AKNAD1: variants seen among roughly 807,000 people sequenced by gnomAD.
The protein encoded by AKNAD1 is AKNA domain containing 1, also known as protein AKNAD1.
A neutral mutation model predicts 90.8 loss-of-function variants in AKNAD1; 67 were observed. That is an observed-to-expected ratio of 0.74 (90% CI 0.61 to 0.90). The LOEUF (loss-of-function observed/expected upper bound fraction) is 0.90, where lower values mean the gene tolerates loss of function less well. Among genes scored for constraint, AKNAD1 ranks in the 40% least tolerant of loss-of-function variants. The pLI is 0.00. For synonymous variants in AKNAD1, 327 were observed against 341.4 expected (o/e 0.96, Z 0.46); for missense variants, 957 against 975.4 (o/e 0.98, Z 0.25).
chr1:108,855,979 GT>G (rs1395858662), intron 1 of AKNAD1, among the ~76,000 whole-genome samples: 1 of 150,124 alleles, frequency 6.7e-6, no homozygotes, highest in African/African-American at 2.5e-5. Flanking sequence ...AGCCTCCTGA[GT>G]AGCTGGGACT....
intron 10 of AKNAD1, among the ~76,000 whole-genome samples, chr1:108,827,649 C>T (rs1413183392): frequency 6.6e-6 from 1 of 150,480 alleles, no homozygotes; most frequent in Non-Finnish European, 1.5e-5. Flanking sequence ...CCTGTCTCTA[C>T]TAAAAGTACA....
chr1:108,822,633 C>T (rs1663853724), intron 13 of AKNAD1, among the ~76,000 whole-genome samples: 1 of 152,142 alleles, frequency 6.6e-6, no homozygotes, highest in Admixed American at 6.6e-5. Context: ...CTCCCTGGTG[C>T]CCTCTCCCAG....
At position 108,816,148 on chromosome 1, in the gene AKNAD1, A is replaced by T; in HGVS notation, c.*23T>A. On this transcript the variant is annotated 3_prime_UTR_variant, in exon 16 of 16. Transcript: ENST00000370001. The stretch of plus-strand genomic sequence containing the variant: ...TTTTCTTTGCATTTTTTTCTTTTGA[A>T]TCCTTGGTAGCCTAGCGTTGAACTA... The T allele has an allele frequency of 6.4e-7, 1 of 1,552,004 alleles. No homozygotes were observed.
intron 3 of AKNAD1, among the ~76,000 whole-genome samples, 192 bp downstream of exon 3, chr1:108,849,344 TG>T (rs2101213504): frequency 6.6e-6 from 1 of 150,756 alleles, no homozygotes; most frequent in South Asian, 2.1e-4. Flanking sequence ...CTAGGTGTGG[TG>T]GCATGCACCT....
At chr1:108,842,753 G>T (rs1352526239) in intron 6 of AKNAD1, among the ~76,000 whole-genome samples, 2 of 152,118 alleles carry the variant, frequency 1.3e-5, no homozygotes, top group East Asian at 1.9e-4. Flanking sequence ...GAGAGGGAGA[G>T]GAGAGGAGGA....
chr1:108,843,036 G>A, intron 6 of AKNAD1, 98 bp downstream of exon 6: 3 of 1,481,060 alleles, frequency 2.0e-6, no homozygotes, highest in Non-Finnish European at 2.8e-6. Context: ...CCCTAGACCA[G>A]TGGCTCTCCA....
At chr1:108,821,462 C>CAA (rs35302684) in intron 13 of AKNAD1, among the ~76,000 whole-genome samples, 43,940 of 151,868 alleles carry the variant, frequency 0.29, 7,058 homozygotes, top group East Asian at 0.69. Context: ...AAAAACAAAA[C>CAA]AACAAAAAAG....
At chr1:108,835,360 C>G (rs963323753) in intron 7 of AKNAD1, among the ~76,000 whole-genome samples, 1 of 152,174 alleles carries the variant, frequency 6.6e-6, no homozygotes, top group Non-Finnish European at 1.5e-5. Context: ...AATGTACTCA[C>G]TGTGAGCCAG....
intron 10 of AKNAD1, 97 bp downstream of exon 10, chr1:108,830,462 C>A: frequency 8.9e-7 from 1 of 1,127,524 alleles, no homozygotes; most frequent in South Asian, 1.3e-5. Flanking sequence ...ATAACTCAGC[C>A]AGTGGCCTCA....
intron 10 of AKNAD1, among the ~76,000 whole-genome samples, chr1:108,828,846 T>C (rs1440112306): frequency 6.6e-6 from 1 of 151,830 alleles, no homozygotes; most frequent in Non-Finnish European, 1.5e-5. Context: ...GCTTTTAAAC[T>C]CCTTTGTGTA....
chr1:108,836,535 G>A (rs1015659614), intron 7 of AKNAD1, among the ~76,000 whole-genome samples: 14 of 152,176 alleles, frequency 9.2e-5, no homozygotes, highest in African/African-American at 3.4e-4. Flanking sequence ...ATGACCTGAC[G>A]CTAGAGCTGG....
chr1:108,852,713 T>C lies in AKNAD1; in HGVS notation c.-49A>G, dbSNP rs746812436. The C allele has an allele frequency of 2.6e-6, 4 of 1,516,666 alleles. No individual in the cohort carries two copies. The highest frequency in any genetic ancestry group is 3.5e-6 in the Non-Finnish European group (4 of 1,138,132). The allele number at this position is 1,516,666 out of a possible 1,614,324, so 94.0% of individuals were successfully genotyped here. A position where few individuals can be genotyped will look rare whatever the true frequency, so the allele number is the denominator to read the frequency against. Reference sequence around the variant, plus strand: ...GTCCTCTGCCTCCTGAGCTGGCTGCTGTCAGTTGTAACAATAGCTCTGGTT... The same window carrying C: ...GTCCTCTGCCTCCTGAGCTGGCTGCCGTCAGTTGTAACAATAGCTCTGGTT... On this transcript the variant is annotated 5_prime_UTR_variant, in exon 2 of 16. Coordinates refer to ENST00000370001, the MANE Select transcript of AKNAD1 (RefSeq NM_152763.5).
At chr1:108,831,192 A>G (rs1484964383) in intron 9 of AKNAD1, among the ~76,000 whole-genome samples, 1 of 152,230 alleles carries the variant, frequency 6.6e-6, no homozygotes, top group Non-Finnish European at 1.5e-5. Context: ...CCTCTTTAAC[A>G]CAAAACAATT....
At chr1:108,841,389 A>G (rs1664547194) in intron 6 of AKNAD1, among the ~76,000 whole-genome samples, 1 of 152,072 alleles carries the variant, frequency 6.6e-6, no homozygotes, top group South Asian at 2.1e-4. Flanking sequence ...AGCAGAACAT[A>G]AGATTTTATG....
chr1:108,816,423 G>A, intron 15 of AKNAD1, 121 bp from the exon 16 acceptor site: 2 of 1,090,876 alleles, frequency 1.8e-6, no homozygotes, highest in Non-Finnish European at 2.5e-6. Context: ...TTTTCCTCTT[G>A]GTCTATTTCT....
Position 108,851,961 on chromosome 1 carries a change from T to A in AKNAD1, c.704A>T (p.Lys235Ile). The A allele has an allele frequency of 1.2e-6, 2 of 1,614,230 alleles. No homozygotes were observed. Among genetic ancestry groups the A allele is most frequent in the Non-Finnish European group, 1.7e-6 (2 of 1,180,046 alleles). The change falls in exon 2 of 16, where the codon AAA (lysine) becomes ATA (isoleucine). Residue 235 changes from lysine (K) to isoleucine (I), a missense_variant. Lys to Ile is a moderately radical substitution (Grantham distance 102). Coordinates refer to ENST00000370001, the MANE Select transcript of AKNAD1 (RefSeq NM_152763.5). ...TGAATTTGCTTTTTCAGTCTGCTGT[T>A]TCTGGGGTGACTGCCCTTGATAACT... ...QKSYQGQSPQKQQTEKANSGN... is the reference protein window; with the variant it reads ...QKSYQGQSPQIQQTEKANSGN...
In AKNAD1 at chr1:108,852,194, C is replaced by A. The variant is rs1664886364; in HGVS notation, c.471G>T (p.Lys157Asn). ...IIKSIISCYN[K>N]NSWPKEQTPE... is the part of the protein sequence containing the mutation. ...GGGTTTGTTCTTTTGGCCAAGAATTCTTATTATAACATGAAATAATACTTT... is the reference window on the plus strand; with the variant it reads ...GGGTTTGTTCTTTTGGCCAAGAATTATTATTATAACATGAAATAATACTTT... The change falls in exon 2 of 16, where the codon AAG becomes AAT. Residue 157 changes from lysine (K) to asparagine (N), a missense_variant. Physicochemically the swap from Lys to Asn is moderately conservative, Grantham distance 94. Transcript: ENST00000370001. The A allele has an allele frequency of 2.5e-6, 4 of 1,613,618 alleles. No homozygotes were observed. The highest frequency in any genetic ancestry group is 3.4e-6 in the Non-Finnish European group (4 of 1,179,880).
At chr1:108,817,575 C>T (rs1347021099) in intron 14 of AKNAD1, 8 of 133,816 alleles carry the variant, frequency 6.0e-5, no homozygotes, top group African/African-American at 2.3e-4. Context: ...GATCTCTGCT[C>T]GCTGCAAGCT....
Position 108,820,714 on chromosome 1 carries a change from GA to G in AKNAD1, c.2168-89del. 7 of 680,352 alleles carry G rather than the reference GA, an allele frequency of 1.0e-5. No homozygotes were observed. The South Asian group carries it at 1.4e-4, about 14-fold the overall frequency. The allele number at this position is 680,352 out of a possible 1,614,324, so 42.1% of individuals were successfully genotyped here. A position where few individuals can be genotyped will look rare whatever the true frequency, so the allele number is the denominator to read the frequency against. Reference sequence around the variant, plus strand: ...GTATCATTCCTTGAACTTTTTGTATGAATGAAATATTTCATAAAATTTTAAT... The same window carrying G: ...GTATCATTCCTTGAACTTTTTGTATGATGAAATATTTCATAAAATTTTAAT... On this transcript the variant is annotated intron_variant, in intron 13 of 15. Transcript: ENST00000370001.
Sources: allele counts gnomAD v4.1 joint callset (sites outside exome capture counted in the v4.1 genomes callset), GRCh38; gene constraint gnomAD v4.1.1; transcripts MANE v1.5; gene names NCBI Gene and HGNC (gene_info 2026-07-23, HGNC 2026-07-21).